The following SP100 variants were observed in gnomAD, a reference collection of about 807,000 sequenced individuals.
The protein encoded by SP100 is SP100 nuclear body protein.
A neutral mutation model predicts 130.0 loss-of-function variants in SP100; 84 were observed. The observed-to-expected ratio is 0.65, with a 90% CI of 0.54 to 0.77. The LOEUF (loss-of-function observed/expected upper bound fraction) is 0.77, where lower values mean the gene tolerates loss of function less well. Ranked by LOEUF, SP100 falls within the 30% of genes least tolerant of loss-of-function variation. The pLI is 0.00. For missense variants in SP100, 978 were observed against 1,052.2 expected (o/e 0.93, Z 0.97); for synonymous variants, 331 against 351.7 (o/e 0.94, Z 0.66).
chr2:230,417,478 T>C, intron 1 of SP100, 113 bp from the exon 2 acceptor site: 1 of 1,358,814 alleles, frequency 7.4e-7, no homozygotes, highest in Non-Finnish European at 9.8e-7. Context: ...ATATATTTCT[T>C]TTTGGGTTTT....
intron 24 of SP100, chr2:230,515,151 GA>G: frequency 6.2e-7 from 1 of 1,612,740 alleles, no homozygotes; most frequent in Non-Finnish European, 8.5e-7. Context: ...AGTTTTTAAA[GA>G]AGTGCTCAGA....
At chr2:230,541,509 T>G in intron 27 of SP100, 137 bp downstream of exon 27, 1 of 721,752 alleles carries the variant, frequency 1.4e-6, no homozygotes, top group Non-Finnish European at 2.3e-6. Context: ...TTATCATAGA[T>G]TAGGTGGCTT....
intron 2 of SP100, among the ~76,000 whole-genome samples, chr2:230,438,641 A>G (rs62193383): frequency 2.0e-4 from 15 of 76,440 alleles, no homozygotes; most frequent in East Asian, 4.7e-4. Context: ...TCCATGGTGT[A>G]TATATATACA....
intron 14 of SP100, chr2:230,469,464 C>T (rs1466373563): frequency 8.5e-6 from 4 of 468,690 alleles, no homozygotes; most frequent in South Asian, 6.2e-5. Context: ...TATGTGCAAA[C>T]TAATAATGAA....
intron 2 of SP100, among the ~76,000 whole-genome samples, chr2:230,425,531 T>C (rs1198236684): frequency 6.6e-6 from 1 of 152,244 alleles, no homozygotes; most frequent in African/African-American, 2.4e-5. Flanking sequence ...TTTTTGTCCT[T>C]CATTCTGTTA....
chr2:230,420,587 A>C (rs1261611060), intron 2 of SP100, among the ~76,000 whole-genome samples: 3 of 152,170 alleles, frequency 2.0e-5, no homozygotes, highest in Non-Finnish European at 4.4e-5. Context: ...TATTTATTTT[A>C]ATCAGGCCTG....
chr2:230,485,521 C>T (rs1019840758), intron 17 of SP100, among the ~76,000 whole-genome samples: 1 of 152,072 alleles, frequency 6.6e-6, no homozygotes, highest in Non-Finnish European at 1.5e-5. Flanking sequence ...CTCTCATGGG[C>T]TAAAAGAAAC....
chr2:230,427,287 G>A (rs549488568), intron 2 of SP100, among the ~76,000 whole-genome samples: 5 of 151,914 alleles, frequency 3.3e-5, no homozygotes, highest in Non-Finnish European at 2.9e-5. Context: ...TCAGCCTCCC[G>A]AGTAGCTGGG....
chr2:230,477,231 A>T (rs1559510039), intron 17 of SP100, among the ~76,000 whole-genome samples: 1 of 151,996 alleles, frequency 6.6e-6, no homozygotes, highest in Non-Finnish European at 1.5e-5. Flanking sequence ...CTTAAATATT[A>T]TATATATTAA....
intron 7 of SP100, 114 bp from the exon 8 acceptor site, chr2:230,450,058 G>A (rs1474025929): frequency 8.3e-6 from 6 of 721,592 alleles, no homozygotes; most frequent in Non-Finnish European, 1.5e-5. Flanking sequence ...TATGCAGACA[G>A]GGGTATAAGT....
chr2:230,466,041 C>T (rs561961982), intron 11 of SP100, among the ~76,000 whole-genome samples: 4 of 151,810 alleles, frequency 2.6e-5, no homozygotes, highest in South Asian at 2.1e-4. Flanking sequence ...AAAAATTAGC[C>T]GGGCTTGGTG....
At chr2:230,450,309 C>T (rs374545336) in intron 8 of SP100, 54 bp downstream of exon 8, 142 of 1,385,838 alleles carry the variant, frequency 1.0e-4, no homozygotes, top group Non-Finnish European at 1.3e-4. Flanking sequence ...AGATGCTATA[C>T]ATTTGGTTGG....
intron 24 of SP100, among the ~76,000 whole-genome samples, chr2:230,525,592 C>G (rs893235375): frequency 1.3e-5 from 2 of 152,116 alleles, no homozygotes; most frequent in South Asian, 4.1e-4. Context: ...AGAGGGCAAG[C>G]TGAAGCAGGG....
chr2:230,512,691 G>C (rs1038087825), intron 24 of SP100, among the ~76,000 whole-genome samples: 3 of 152,130 alleles, frequency 2.0e-5, no homozygotes, highest in Non-Finnish European at 4.4e-5. Flanking sequence ...GTTGGGGGCA[G>C]GATGATTTTG....
At chr2:230,518,990 T>G (rs1691047676) in intron 24 of SP100, among the ~76,000 whole-genome samples, 1 of 152,192 alleles carries the variant, frequency 6.6e-6, no homozygotes, top group South Asian at 2.1e-4. Flanking sequence ...AAAATTTTGG[T>G]CATGAATCAG....
At chr2:230,443,180 AG>A in intron 3 of SP100, 81 bp downstream of exon 3, 1 of 1,413,740 alleles carries the variant, frequency 7.1e-7, no homozygotes, top group Non-Finnish European at 9.8e-7. Context: ...CCAAAACTTC[AG>A]GGTACAATTT....
intron 24 of SP100, among the ~76,000 whole-genome samples, chr2:230,524,527 T>A (rs1434239912): frequency 6.6e-6 from 1 of 152,132 alleles, no homozygotes; most frequent in African/African-American, 2.4e-5. Context: ...AATTTAAAGT[T>A]CTTACTTAGG....
At chr2:230,516,017 T>C in intron 24 of SP100, 1 of 892,714 alleles carries the variant, frequency 1.1e-6, no homozygotes, top group Non-Finnish European at 1.3e-6. Flanking sequence ...CACTCTGTAA[T>C]TGCAAAAAAA....
intron 2 of SP100, among the ~76,000 whole-genome samples, chr2:230,430,654 G>T (rs146047955): frequency 3.3e-4 from 51 of 152,328 alleles, no homozygotes; most frequent in Admixed American, 6.5e-4. Context: ...GAGTGATTGG[G>T]TAGGACCACA....
Sources: allele counts gnomAD v4.1 joint callset (sites outside exome capture counted in the v4.1 genomes callset), GRCh38; gene constraint gnomAD v4.1.1; transcripts MANE v1.5; gene names NCBI Gene and HGNC (gene_info 2026-07-23, HGNC 2026-07-21).